ADAM12: variants seen among roughly 807,000 people sequenced by gnomAD.
The protein encoded by ADAM12 is disintegrin and metalloproteinase domain-containing protein 12.
In ADAM12, 70 loss-of-function variants were observed where a neutral mutation model predicts 106.4. The observed-to-expected ratio is 0.66, with a 90% CI of 0.54 to 0.80. ADAM12 has a LOEUF of 0.80. Among genes scored for constraint, ADAM12 ranks in the 30% least tolerant of loss-of-function variants. The probability of loss-of-function intolerance (pLI) is 0.00; values close to 1 mark genes in which losing one functional copy is unlikely to be tolerated. For synonymous variants in ADAM12, 420 were observed against 433.5 expected (o/e 0.97, Z 0.39); for missense variants, 1,010 against 1,171.9 (o/e 0.86, Z 2.02).
At chr10:126,183,014 C>T (rs1957341596) in intron 3 of ADAM12, among the ~76,000 whole-genome samples, 1 of 152,102 alleles carries the variant, frequency 6.6e-6, no homozygotes, top group African/African-American at 2.4e-5. Context: ...GCCAGAGCTC[C>T]AACTCCTGTC....
chr10:126,299,697 G>C (rs907436625), intron 2 of ADAM12, among the ~76,000 whole-genome samples: 49 of 151,956 alleles, frequency 3.2e-4, no homozygotes, highest in Non-Finnish European at 1.8e-4. Context: ...AGGCTGGAGT[G>C]CAGTGGCGCA....
At chr10:126,107,574 TA>T (rs1397601709) in intron 8 of ADAM12, among the ~76,000 whole-genome samples, 1 of 152,172 alleles carries the variant, frequency 6.6e-6, no homozygotes, top group Admixed American at 6.5e-5. Flanking sequence ...CCACTATGTG[TA>T]AAATCTGCTG....
chr10:126,351,871 T>C (rs944023880), intron 1 of ADAM12, among the ~76,000 whole-genome samples: 14 of 152,178 alleles, frequency 9.2e-5, no homozygotes, highest in African/African-American at 2.9e-4. Context: ...TCAGCCCTCA[T>C]CTGGCCTTTG....
chr10:126,177,826 CCTT>C (rs1453056728), intron 3 of ADAM12, among the ~76,000 whole-genome samples: 1 of 152,148 alleles, frequency 6.6e-6, no homozygotes, highest in South Asian at 2.1e-4. Context: ...CGGCTGAAGT[CCTT>C]CTTCACTATC....
intron 3 of ADAM12, among the ~76,000 whole-genome samples, chr10:126,276,216 T>C (rs1384401537): frequency 1.3e-5 from 2 of 152,202 alleles, no homozygotes; most frequent in South Asian, 2.1e-4. Context: ...TGCCTTCTGA[T>C]TGGTCAGCTG....
At chr10:126,280,878 G>C (rs749593460) in intron 2 of ADAM12, among the ~76,000 whole-genome samples, 3 of 152,156 alleles carry the variant, frequency 2.0e-5, no homozygotes, top group Non-Finnish European at 4.4e-5. Context: ...TTTTGATACT[G>C]TCTGGTGTTT....
chr10:126,158,904 AGGATGCACAGAGCATGGAGGGG>A (rs1420753146), intron 3 of ADAM12, among the ~76,000 whole-genome samples: 52 of 146,638 alleles, frequency 3.5e-4, no homozygotes, highest in Admixed American at 6.8e-4. Context: ...CATGGTGGGG[AGGATGCACAGAGCATGGAGGGG>A]GGATGCACAG....
intron 3 of ADAM12, among the ~76,000 whole-genome samples, chr10:126,203,316 G>A (rs1464972767): frequency 3.3e-5 from 5 of 152,168 alleles, no homozygotes; most frequent in Non-Finnish European, 5.9e-5. Flanking sequence ...AACACCTATT[G>A]GAAAGAATTA....
chr10:126,298,284 C>T (rs192195230), intron 2 of ADAM12, among the ~76,000 whole-genome samples: 171 of 151,124 alleles, frequency 1.1e-3, no homozygotes, highest in African/African-American at 3.9e-3. Flanking sequence ...AACTCAGAAG[C>T]GGAATTTAAA....
At chr10:126,350,319 T>C (rs900382554) in intron 1 of ADAM12, among the ~76,000 whole-genome samples, 2 of 152,184 alleles carry the variant, frequency 1.3e-5, no homozygotes, top group African/African-American at 4.8e-5. Flanking sequence ...AACTTGACAG[T>C]ATCAGCATAA....
intron 3 of ADAM12, among the ~76,000 whole-genome samples, chr10:126,159,125 C>T (rs760735855): frequency 4.8e-4 from 73 of 151,870 alleles, no homozygotes; most frequent in South Asian, 1.2e-3. Context: ...CTGGCTAATA[C>T]GGTGAAACCC....
chr10:126,052,174 A>G (rs1954520288), intron 14 of ADAM12, among the ~76,000 whole-genome samples: 1 of 152,112 alleles, frequency 6.6e-6, no homozygotes, highest in Non-Finnish European at 1.5e-5. Flanking sequence ...AGGTGTAGAG[A>G]GCAGATTAAG....
intron 1 of ADAM12, among the ~76,000 whole-genome samples, chr10:126,334,916 AT>A (rs1470769301): frequency 7.9e-5 from 12 of 152,090 alleles, no homozygotes; most frequent in African/African-American, 2.9e-4. Context: ...TCCTCGATTT[AT>A]TTTCCTTTGT....
rs1358700292 is a variant in ADAM12, at chr10:126,072,327, TA to T, written c.1146-674del. Among the ~76,000 whole-genome samples, 9 of 152,250 alleles carry T rather than the reference TA, an allele frequency of 5.9e-5. No individual in the cohort carries two copies. The South Asian group carries it at 1.9e-3, about 32-fold the overall frequency. ...GGGTCAGCCAACTCCCCAGCAAAGT[TA>T]TGCTCCCCTTCTGTGCTCTAGAAGG... On this transcript the variant is annotated intron_variant, in intron 11 of 22. Coordinates refer to ENST00000448723, the MANE Select transcript of ADAM12 (RefSeq NM_001288973.2).
intron 4 of ADAM12, among the ~76,000 whole-genome samples, chr10:126,143,099 A>C (rs1156839183): frequency 1.3e-5 from 2 of 150,622 alleles, no homozygotes; most frequent in Non-Finnish European, 2.9e-5. Context: ...GTACGTGTGT[A>C]TATGGTGTGC....
At chr10:126,265,176 A>T (rs1297836459) in intron 3 of ADAM12, among the ~76,000 whole-genome samples, 1 of 152,194 alleles carries the variant, frequency 6.6e-6, no homozygotes, top group Non-Finnish European at 1.5e-5. Context: ...CAAATGTGAG[A>T]TGCTAAATTT....
intron 3 of ADAM12, among the ~76,000 whole-genome samples, chr10:126,257,861 G>A (rs1958923132): frequency 6.6e-6 from 1 of 152,182 alleles, no homozygotes; most frequent in Non-Finnish European, 1.5e-5. Context: ...TTAGAAGCAG[G>A]TGAGTTCCTA....
Position 126,322,763 on chromosome 10 carries a change from C to T in ADAM12, c.186+7649G>A, listed in dbSNP as rs373248046. Among the ~76,000 whole-genome samples, 21 of 152,306 alleles carry T rather than the reference C, an allele frequency of 1.4e-4. 1 individual carries two copies. The highest frequency in any genetic ancestry group is 4.8e-4 in the African/African-American group (20 of 41,564). ...GCCACACAGCAAGGCAGAGGGAGTC[C>T]GAATCCATTTCTGCAGGTTCCAACA... On this transcript the variant is annotated intron_variant, in intron 2 of 22. Coordinates refer to ENST00000448723, the MANE Select transcript of ADAM12 (RefSeq NM_001288973.2).
chr10:126,167,165 C>G lies in ADAM12; in HGVS notation c.261-11860G>C, dbSNP rs148030001. On this transcript the variant is annotated intron_variant, in intron 3 of 22. Transcript: ENST00000448723. ...TTTGAGCTCCTCCTAAGCAAAGGCACTTTACGTGTATTTTTAAATTTAACT... is the reference window on the plus strand; with the variant it reads ...TTTGAGCTCCTCCTAAGCAAAGGCAGTTTACGTGTATTTTTAAATTTAACT... Among the ~76,000 whole-genome samples, 297 of 152,248 alleles carry G rather than the reference C, an allele frequency of 2.0e-3. 1 individual carries two copies. The highest frequency in any genetic ancestry group is 6.7e-3 in the African/African-American group (279 of 41,550).
Sources: gnomAD v4.1 joint callset for allele counts (sites outside exome capture counted in the v4.1 genomes callset) on GRCh38, gnomAD v4.1.1 for gene constraint, MANE v1.5 for transcripts, NCBI Gene and HGNC (gene_info 2026-07-23, HGNC 2026-07-21) for gene names.